Variants in ACSL1 observed in about 807,000 individuals in gnomAD.
The protein encoded by ACSL1 is acyl-CoA synthetase long chain family member 1, also known as long-chain-fatty-acid--CoA ligase 1.
ACSL1 carries 41 observed loss-of-function variants against 98.4 expected under a neutral mutation model. The observed-to-expected ratio is 0.42, with a 90% CI of 0.32 to 0.54. The LOEUF is 0.54. Among genes scored for constraint, ACSL1 ranks in the 20% least tolerant of loss-of-function variants. The probability of loss-of-function intolerance (pLI) is 0.13; values close to 1 mark genes in which losing one functional copy is unlikely to be tolerated. For missense variants in ACSL1, 734 were observed against 883.1 expected (o/e 0.83, Z 2.14); for synonymous variants, 316 against 322.7 (o/e 0.98, Z 0.22).
chr4:184,796,302 T>C lies in ACSL1; in HGVS notation c.195+7018A>G, dbSNP rs993677064. Among the ~76,000 whole-genome samples the C allele has an allele frequency of 3.3e-5, 5 of 152,194 alleles. No individual in the cohort carries two copies. In the South Asian group the frequency reaches 1.0e-3, roughly 31 times the overall value. On this transcript the variant is annotated intron_variant, in intron 2 of 20. Transcript: ENST00000281455. ...TTGCAGATGGCCTACTTTGGGTCCT[T>C]TTGATGGTGTGAGTTAATGCTCCTT...
chr4:184,816,809 A>G (rs1772677141), intron 1 of ACSL1, among the ~76,000 whole-genome samples: 1 of 152,094 alleles, frequency 6.6e-6, no homozygotes, highest in Non-Finnish European at 1.5e-5. Flanking sequence ...GCGTGGGGGT[A>G]TCATGTGCAG....
intron 1 of ACSL1, among the ~76,000 whole-genome samples, chr4:184,824,456 T>C (rs28701695): frequency 0.14 from 20,671 of 152,138 alleles, 4,591 homozygotes; most frequent in African/African-American, 0.47. Context: ...CTGTTTACAG[T>C]AAATTCAGAA....
chr4:184,763,271 G>A lies in ACSL1; in HGVS notation c.1433-16C>T. ...CCAACATGGCCTGTATATTAAATAA[G>A]CAAATGGTCATTCCTAAGGGAACTA... On this transcript the variant is annotated splice_polypyrimidine_tract_variant and intron_variant, in intron 15 of 20. Transcript: ENST00000281455. The A allele has an allele frequency of 6.2e-7, 1 of 1,610,236 alleles. No individual in the cohort carries two copies. The highest frequency in any genetic ancestry group is 8.5e-7 in the Non-Finnish European group (1 of 1,177,342).
chr4:184,813,783 C>G lies in ACSL1; in HGVS notation c.-32-10237G>C, dbSNP rs530734761. ...AGGAGAAGAGAGCACAACTGAACAG[C>G]AGAGAGGATCAAATGTCCTTTCACA... On this transcript the variant is annotated intron_variant, in intron 1 of 20. Coordinates refer to ENST00000281455, the MANE Select transcript of ACSL1 (RefSeq NM_001995.5). The G allele has an allele frequency of 7.7e-4, 352 of 454,668 alleles. 4 individuals are homozygous for G. The highest frequency in any genetic ancestry group is 3.9e-3 in the Middle Eastern group (12 of 3,072). The allele number at this position is 454,668 out of a possible 1,614,324, so 28.2% of individuals were successfully genotyped here.
Position 184,756,313 on chromosome 4 carries a change from C to T in ACSL1, c.*812G>A, listed in dbSNP as rs969122959. 6.6e-6 allele frequency: 1 copy of T among 152,616 alleles called. No homozygotes were observed. The highest frequency in any genetic ancestry group is 6.5e-5 in the Admixed American group (1 of 15,280). 9.5% of individuals were successfully genotyped at this position (152,616 alleles called of 1,614,324 possible). ...ATCCAGGTAACTCTTTCTTGAAATGCTTGTCTTCACTATAGAATCTAAGGC... is the reference window on the plus strand; with the variant it reads ...ATCCAGGTAACTCTTTCTTGAAATGTTTGTCTTCACTATAGAATCTAAGGC... On this transcript the variant is annotated 3_prime_UTR_variant, in exon 21 of 21. Coordinates refer to ENST00000281455, the MANE Select transcript of ACSL1 (RefSeq NM_001995.5).
At chr4:184,802,616 A>G (rs1238329871) in intron 2 of ACSL1, among the ~76,000 whole-genome samples, 2 of 152,126 alleles carry the variant, frequency 1.3e-5, no homozygotes, top group African/African-American at 4.8e-5. Flanking sequence ...GGAGAGCAGG[A>G]GCACTAAGAA....
At chr4:184,808,403 G>C in intron 1 of ACSL1, 2 of 985,376 alleles carry the variant, frequency 2.0e-6, no homozygotes, top group South Asian at 9.4e-5. Context: ...ATGGCAGTTT[G>C]ATGGAATACT....
intron 3 of ACSL1, among the ~76,000 whole-genome samples, chr4:184,785,068 T>G (rs1174974145): frequency 1.3e-5 from 2 of 152,210 alleles, no homozygotes; most frequent in Non-Finnish European, 2.9e-5. Context: ...ACTGGCTGTT[T>G]TTGTAGACAC....
chr4:184,764,703 G>C, intron 15 of ACSL1, 150 bp downstream of exon 15: 2 of 665,968 alleles, frequency 3.0e-6, no homozygotes, highest in Non-Finnish European at 5.0e-6. Flanking sequence ...TGACTTACAA[G>C]AGTGTTTGCC....
Position 184,765,886 on chromosome 4 carries a change from C to T in ACSL1, c.1359+5G>A, listed in dbSNP as rs778537628. On this transcript the variant is annotated splice_donor_5th_base_variant and intron_variant, in intron 14 of 20. Coordinates refer to ENST00000281455, the MANE Select transcript of ACSL1 (RefSeq NM_001995.5). ...GAGAATCAGGCGCCGTGACATCCAC[C>T]TCACCTGACAGCCCAGGGCTGCTCT... 2 of 1,611,952 alleles carry T rather than the reference C, an allele frequency of 1.2e-6. No homozygotes were observed. The highest frequency in any genetic ancestry group is 8.5e-7 in the Non-Finnish European group (1 of 1,178,686).
At chr4:184,797,249 C>T (rs1769574313) in intron 2 of ACSL1, among the ~76,000 whole-genome samples, 1 of 152,242 alleles carries the variant, frequency 6.6e-6, no homozygotes, top group African/African-American at 2.4e-5. Context: ...TAGGCCCACA[C>T]TTGCTTTACC....
intron 1 of ACSL1, among the ~76,000 whole-genome samples, chr4:184,824,129 T>G (rs1773274326): frequency 6.6e-6 from 1 of 152,076 alleles, no homozygotes; most frequent in South Asian, 2.1e-4. Context: ...GGTAATTTTT[T>G]GTTTTGTTTT....
Position 184,766,547 on chromosome 4 carries a change from CA to C in ACSL1, c.1263+74del. On this transcript the variant is annotated intron_variant, in intron 13 of 20. Transcript: ENST00000281455. The surrounding 1 kb of genome is among the most constrained non-coding windows in gnomAD (Gnocchi z 4.8). Reference sequence around the variant, plus strand: ...CCCTTACCTTCATCTCTCCCTCTCACAAAAAAGGCCCTCCCAGAACTCTGAA... The same window carrying C: ...CCCTTACCTTCATCTCTCCCTCTCACAAAAAGGCCCTCCCAGAACTCTGAA... 6.5e-7 allele frequency: 1 copy of C among 1,546,514 alleles called. No individual in the cohort carries two copies. The highest frequency in any genetic ancestry group is 8.8e-7 in the Non-Finnish European group (1 of 1,140,954).
chr4:184,811,409 G>GC (rs1477937804), intron 1 of ACSL1, among the ~76,000 whole-genome samples: 1 of 152,138 alleles, frequency 6.6e-6, no homozygotes, highest in Non-Finnish European at 1.5e-5. Context: ...ACCGCGCCCA[G>GC]CTGCACAATG....
chr4:184,791,333 C>G (rs1374753440), intron 2 of ACSL1, among the ~76,000 whole-genome samples: 8 of 152,194 alleles, frequency 5.3e-5, no homozygotes, highest in Admixed American at 4.6e-4. Context: ...CCAGGGAACC[C>G]TGGCTGAGCA....
chr4:184,797,654 C>T (rs916755839), intron 2 of ACSL1, among the ~76,000 whole-genome samples: 1 of 152,194 alleles, frequency 6.6e-6, no homozygotes, highest in African/African-American at 2.4e-5. Flanking sequence ...AAATCCTTAC[C>T]TGAGAATGAA....
In ACSL1 at chr4:184,760,476, G is replaced by C; in HGVS notation, c.1663C>G (p.Arg555Gly). ...GCCAGCTTAAATATGTGCTTTTTCCGGTCGATAATTTTCAAGGTGCCATTC... is the reference window on the plus strand; with the variant it reads ...GCCAGCTTAAATATGTGCTTTTTCCCGTCGATAATTTTCAAGGTGCCATTC... ...LPNGTLKIIDRKKHIFKLAQG... is the reference protein window; with the variant it reads ...LPNGTLKIIDGKKHIFKLAQG... The change falls in exon 18 of 21, where the codon CGG becomes GGG. Residue 555 changes from arginine (R) to glycine (G), a missense_variant. Coordinates refer to ENST00000281455, the MANE Select transcript of ACSL1 (RefSeq NM_001995.5). 1 of 1,614,004 alleles carries C rather than the reference G, an allele frequency of 6.2e-7. No individual in the cohort carries two copies.
intron 4 of ACSL1, among the ~76,000 whole-genome samples, chr4:184,782,166 C>A (rs1469389924): frequency 6.6e-6 from 1 of 151,740 alleles, no homozygotes; most frequent in Non-Finnish European, 1.5e-5. Context: ...TTTAAGGAAT[C>A]AGAGCCTGAG....
intron 12 of ACSL1, among the ~76,000 whole-genome samples, chr4:184,767,799 G>A (rs1402713876): frequency 1.3e-5 from 2 of 152,194 alleles, no homozygotes; most frequent in Admixed American, 1.3e-4. Flanking sequence ...TGGCTGTGCG[G>A]TCCACGCAAT....
Sources: gnomAD v4.1 joint callset for allele counts (sites outside exome capture counted in the v4.1 genomes callset) on GRCh38, gnomAD v4.1.1 for gene constraint, Gnocchi (gnomAD v3.1) non-coding constraint, MANE v1.5 for transcripts, NCBI Gene and HGNC (gene_info 2026-07-23, HGNC 2026-07-21) for gene names.